SLC35E3: variants seen among roughly 807,000 people sequenced by gnomAD.
SLC35E3 encodes the protein bladder cancer-overexpressed gene 1 protein.
A neutral mutation model predicts 30.8 loss-of-function variants in SLC35E3; 28 were observed. The observed-to-expected ratio is 0.91, with a 90% CI of 0.67 to 1.25. SLC35E3 has a LOEUF of 1.25. SLC35E3 is among the 50% of genes most tolerant of loss of function. The pLI, the probability that SLC35E3 is intolerant of heterozygous loss-of-function variation, is 0.00. For missense variants in SLC35E3, 365 were observed against 375.4 expected, an observed-to-expected ratio of 0.97 and a Z score of 0.23; for synonymous variants, 146 against 149.2, an observed-to-expected ratio of 0.98 and a Z score of 0.16.
At chr12:68,747,260 C>G (rs1592532076) in intron 1 of SLC35E3, among the ~76,000 whole-genome samples, 1 of 140,654 alleles carries the variant, frequency 7.1e-6, no homozygotes, top group Admixed American at 7.5e-5. Flanking sequence ...TATTTAAGGT[C>G]TTTTTCTTTT....
At position 68,770,224 on chromosome 12, in the gene SLC35E3, G is replaced by A. The variant is rs1318530772; in HGVS notation, c.*5334G>A. On this transcript the variant is annotated 3_prime_UTR_variant, in exon 5 of 5. Transcript: ENST00000398004. ...GTCTGGAGACTAAATTTGGGAGTGG[G>A]GAGACATGGTGTGTCCTGCACCTGG... is the stretch of plus-strand genomic sequence containing the variant. 2.0e-5 allele frequency: 3 copies of A among 152,266 alleles called. No homozygotes were observed. Among genetic ancestry groups the A allele is most frequent in the Admixed American group, 6.5e-5 (1 of 15,276 alleles). 9.4% of individuals were successfully genotyped at this position (152,266 alleles called of 1,614,324 possible).
rs769342089 is a variant in SLC35E3 at position 68,746,525 on chromosome 12, C to T, written c.148C>T (p.His50Tyr). The change falls in exon 1 of 5, where the codon CAC (histidine) becomes TAC (tyrosine). Residue 50 changes from histidine to tyrosine, a missense_variant. Coordinates refer to ENST00000398004, the MANE Select transcript of SLC35E3 (RefSeq NM_018656.5). ...CCCCAACATGAGCCTGACCCTGGTG[C>T]ACTTCGTGGTCACCTGGCTGGGCTT... is the stretch of plus-strand genomic sequence containing the variant. ...GFPNMSLTLV[H>Y]FVVTWLGLYI... 6.2e-7 allele frequency: 1 copy of T among 1,614,232 alleles called. No individual in the cohort carries two copies. The highest frequency in any genetic ancestry group is 1.1e-5 in the South Asian group (1 of 91,084).
At position 68,765,685 on chromosome 12, in the gene SLC35E3, T is replaced by C. The variant is rs1020764805; in HGVS notation, c.*795T>C. ...ATATACACATATATACACACACACA[T>C]ACATATACATGTGTATATATATACC... On this transcript the variant is annotated 3_prime_UTR_variant, in exon 5 of 5. Transcript: ENST00000398004. The C allele has an allele frequency of 3.2e-4, 48 of 151,128 alleles. No homozygotes were observed. The highest frequency in any genetic ancestry group is 9.7e-4 in the African/African-American group (40 of 41,154). 9.4% of individuals were successfully genotyped at this position (151,128 alleles called of 1,614,324 possible).
chr12:68,757,173 CATA>C (rs1879050733), intron 3 of SLC35E3, among the ~76,000 whole-genome samples: 1 of 152,174 alleles, frequency 6.6e-6, no homozygotes, highest in South Asian at 2.1e-4. Flanking sequence ...CCTCAGCCAA[CATA>C]ATACTGAATG....
intron 2 of SLC35E3, among the ~76,000 whole-genome samples, chr12:68,751,138 C>T (rs555555763): frequency 5.4e-4 from 82 of 152,062 alleles, no homozygotes; most frequent in African/African-American, 2.0e-3. Context: ...GAATAGTATC[C>T]ACAGAAAAGT....
chr12:68,754,765 C>CTTTTA (rs1157281353), intron 3 of SLC35E3, among the ~76,000 whole-genome samples: 1 of 151,716 alleles, frequency 6.6e-6, no homozygotes, highest in East Asian at 1.9e-4. Context: ...ATTTTGGGGA[C>CTTTTA]TTTTATTTTT....
At chr12:68,756,980 A>C (rs934520207) in intron 3 of SLC35E3, among the ~76,000 whole-genome samples, 4 of 152,232 alleles carry the variant, frequency 2.6e-5, no homozygotes, top group Non-Finnish European at 4.4e-5. Flanking sequence ...GTGCCACTGC[A>C]CTCCAGCCTG....
chr12:68,754,670 TACATCATGTGTTCTCATGTACTGATA>T (rs573909235), intron 3 of SLC35E3, among the ~76,000 whole-genome samples: 91 of 152,348 alleles, frequency 6.0e-4, no homozygotes, highest in African/African-American at 1.9e-3. Flanking sequence ...AACATCCTTG[TACATCATGTGTTCTCATGTACTGATA>T]ACTTTTTTCC....
chr12:68,758,311 T>C (rs1258288510), intron 3 of SLC35E3, among the ~76,000 whole-genome samples: 5 of 151,934 alleles, frequency 3.3e-5, no homozygotes, highest in African/African-American at 1.2e-4. Flanking sequence ...TCCCAGCTAC[T>C]CAGGAGAATG....
rs1020144077 is a variant in SLC35E3 at position 68,778,000 on chromosome 12, C to T, written c.*13110C>T. 4 of 152,090 alleles carry T rather than the reference C, an allele frequency of 2.6e-5. No individual in the cohort carries two copies. Among genetic ancestry groups the T allele is most frequent in the African/African-American group, 7.2e-5 (3 of 41,396 alleles). 9.4% of individuals were successfully genotyped at this position (152,090 alleles called of 1,614,324 possible). A position where few individuals can be genotyped will look rare whatever the true frequency, so the allele number is the denominator to read the frequency against. On this transcript the variant is annotated 3_prime_UTR_variant, in exon 5 of 5. Transcript: ENST00000398004. ...AGGTATGGTGGTATGTGCCTGTGATCCCAGCTACTCGGGAGGCTGAGGTGG... is the reference window on the plus strand; with the variant it reads ...AGGTATGGTGGTATGTGCCTGTGATTCCAGCTACTCGGGAGGCTGAGGTGG...
Position 68,764,894 on chromosome 12 carries a change from G to A in SLC35E3, c.*4G>A, listed in dbSNP as rs1248329255. The A allele has an allele frequency of 1.9e-6, 3 of 1,610,060 alleles. No homozygotes were observed. In the African/African-American group the frequency reaches 4.0e-5, roughly 22 times the overall value. On this transcript the variant is annotated 3_prime_UTR_variant, in exon 5 of 5. Transcript: ENST00000398004. ...TAAACTGGCACAACGTCCTTAATTG[G>A]GTTTTTGTGGAGAAAAGAATGTTGT...
chr12:68,754,771 T>C (rs1448154546), intron 3 of SLC35E3, among the ~76,000 whole-genome samples: 1 of 152,174 alleles, frequency 6.6e-6, no homozygotes, highest in African/African-American at 2.4e-5. Flanking sequence ...GGGACTTTTA[T>C]TTTTTAGAGA....
At position 68,761,062 on chromosome 12, in the gene SLC35E3, C is replaced by T. The variant is rs528067410; in HGVS notation, c.755+1823C>T. On this transcript the variant is annotated intron_variant, in intron 4 of 4. Coordinates refer to ENST00000398004, the MANE Select transcript of SLC35E3 (RefSeq NM_018656.5). ...TTCCAGGCAGAGGCAACAGCAGGTGCGAGGCCGTAAAAAAACCAAGGAAGC... is the reference window on the plus strand; with the variant it reads ...TTCCAGGCAGAGGCAACAGCAGGTGTGAGGCCGTAAAAAAACCAAGGAAGC... Among the ~76,000 whole-genome samples the T allele has an allele frequency of 3.0e-4, 46 of 152,010 alleles. 1 individual carries two copies. The South Asian group carries it at 8.9e-3, about 30-fold the overall frequency.
At chr12:68,752,630 G>A (rs1878846501) in intron 3 of SLC35E3, among the ~76,000 whole-genome samples, 1 of 152,202 alleles carries the variant, frequency 6.6e-6, no homozygotes, top group South Asian at 2.1e-4. Context: ...CAGCACTTTG[G>A]GAGGATGAGC....
rs2136083813 is a variant in SLC35E3 at position 68,769,662 on chromosome 12, AAATAAAT to A, written c.*4779_*4785del. ...CAACAAGAGCAAAACTGTCTCAAAT[AAATAAAT>A]AATAAAAGAAAGGAGACCGGATTTA... On this transcript the variant is annotated 3_prime_UTR_variant, in exon 5 of 5. Coordinates refer to ENST00000398004, the MANE Select transcript of SLC35E3 (RefSeq NM_018656.5). 1 of 152,310 alleles carries A rather than the reference AAATAAAT, an allele frequency of 6.6e-6. No individual in the cohort carries two copies. The highest frequency in any genetic ancestry group is 2.4e-5 in the African/African-American group (1 of 41,572). 9.4% of individuals were successfully genotyped at this position (152,310 alleles called of 1,614,324 possible).
Position 68,768,791 on chromosome 12 carries a change from T to A in SLC35E3, c.*3901T>A, listed in dbSNP as rs975466696. On this transcript the variant is annotated 3_prime_UTR_variant, in exon 5 of 5. Transcript: ENST00000398004. ...TTTGGCCTGTCCAAATAAGCAGAAA[T>A]GAATGAAACAAAATTCCATCTCCTT... 1 of 152,190 alleles carries A rather than the reference T, an allele frequency of 6.6e-6. No individual in the cohort carries two copies. Among genetic ancestry groups the A allele is most frequent in the African/African-American group, 2.4e-5 (1 of 41,452 alleles). 9.4% of individuals were successfully genotyped at this position (152,190 alleles called of 1,614,324 possible).
In SLC35E3 at chr12:68,780,744, C is replaced by T. The variant is rs2136090880; in HGVS notation, c.*15854C>T. ...TCAGGTGATCTGCCCGCCTCGGCCT[C>T]CCAGTGTTGGGATTATAGGCATGAG... On this transcript the variant is annotated 3_prime_UTR_variant, in exon 5 of 5. Transcript: ENST00000398004. 6.6e-6 allele frequency: 1 copy of T among 152,390 alleles called. No individual in the cohort carries two copies. The highest frequency in any genetic ancestry group is 1.9e-4 in the East Asian group (1 of 5,194). The allele number at this position is 152,390 out of a possible 1,614,324, so 9.4% of individuals were successfully genotyped here.
At chr12:68,749,942 C>T (rs559460014) in intron 2 of SLC35E3, among the ~76,000 whole-genome samples, 5 of 152,148 alleles carry the variant, frequency 3.3e-5, no homozygotes, top group Admixed American at 1.3e-4. Flanking sequence ...CTTGATCATT[C>T]CCCTGTCTTT....
chr12:68,780,804 G>T lies in SLC35E3; in HGVS notation c.*15914G>T, dbSNP rs1006789539. On this transcript the variant is annotated 3_prime_UTR_variant, in exon 5 of 5. Coordinates refer to ENST00000398004, the MANE Select transcript of SLC35E3 (RefSeq NM_018656.5). ...CCAGCTAGTCACGCTTTTTAGTCAA[G>T]ATTTTTAAAAATGTCTGCATGCTTT... 1 of 152,052 alleles carries T rather than the reference G, an allele frequency of 6.6e-6. No homozygotes were observed. The highest frequency in any genetic ancestry group is 2.1e-4 in the South Asian group (1 of 4,826). The allele number at this position is 152,052 out of a possible 1,614,324, so 9.4% of individuals were successfully genotyped here.
Sources: gnomAD v4.1 joint callset for allele counts (sites outside exome capture counted in the v4.1 genomes callset) on GRCh38, gnomAD v4.1.1 for gene constraint, MANE v1.5 for transcripts, NCBI Gene and HGNC (gene_info 2026-07-23, HGNC 2026-07-21) for gene names.